Variants in STON1 observed in about 807,000 individuals in gnomAD.
STON1 encodes the protein stonin 1, also known as stonin-1.
Under a neutral mutation model 60.9 loss-of-function variants are expected in STON1, and 79 were observed. That is an observed-to-expected ratio of 1.30 (90% confidence interval 1.08 to 1.56). STON1 has a LOEUF of 1.56. Among genes scored for constraint, STON1 ranks in the 40% most tolerant of loss-of-function variants. The pLI, the probability that STON1 is intolerant of heterozygous loss-of-function variation, is 0.00. For missense variants in STON1, 1,166 were observed against 858.9 expected, an observed-to-expected ratio of 1.36 and a Z score of -4.47; for synonymous variants, 363 against 306.9, an observed-to-expected ratio of 1.18 and a Z score of -1.91.
intron 1 of STON1, among the ~76,000 whole-genome samples, chr2:48,566,362 G>A (rs1241128463): frequency 6.6e-6 from 1 of 152,082 alleles, no homozygotes; most frequent in East Asian, 1.9e-4. Flanking sequence ...TTTTAGTAGA[G>A]ACGGGGTTTC....
intron 1 of STON1, among the ~76,000 whole-genome samples, chr2:48,566,517 G>A (rs181623314): frequency 5.7e-4 from 86 of 151,156 alleles, no homozygotes; most frequent in African/African-American, 2.0e-3. Flanking sequence ...TTCTGACGTC[G>A]GGTGATCCGC....
rs1251088929 is a variant in STON1 at position 48,557,017 on chromosome 2, G to A, written c.-47-23570G>A. On this transcript the variant is annotated intron_variant, in intron 1 of 3. Transcript: ENST00000404752. The stretch of plus-strand genomic sequence containing the variant: ...CCTGGACGGCACGGCTGCCCGGGCG[G>A]GGGGGCTGACCCCCCACCTCCCTCC... Among the ~76,000 whole-genome samples the A allele has an allele frequency of 2.2e-5, 2 of 92,874 alleles. 1 individual carries two copies. The highest frequency in any genetic ancestry group is 8.3e-5 in the African/African-American group (2 of 24,184). The allele number at this position is 92,874 out of a possible 152,430, so 60.9% of individuals were successfully genotyped here.
At chr2:48,560,662 G>A (rs977737034) in intron 1 of STON1, among the ~76,000 whole-genome samples, 1 of 152,184 alleles carries the variant, frequency 6.6e-6, no homozygotes, top group East Asian at 1.9e-4. Flanking sequence ...GGCAGCCGTT[G>A]CTAGGGCTGC....
Position 48,582,521 on chromosome 2 carries a change from G to T in STON1, c.1888G>T (p.Ala630Ser). 1 of 1,614,070 alleles carries T rather than the reference G, an allele frequency of 6.2e-7. No homozygotes were observed. Among genetic ancestry groups the T allele is most frequent in the Non-Finnish European group, 8.5e-7 (1 of 1,179,988 alleles). Residue 630 changes from alanine to serine, a missense_variant, in exon 2 of 4, where the codon GCA (alanine) becomes TCA (serine). By Grantham distance (99) the Ala-to-Ser change is moderately conservative. Transcript: ENST00000404752. ...AGCAAAATATGAGAGTGCCTACCAG[G>T]CAGTGGTATGGAAGATAGATCGGCT... Reference protein sequence around the residue: ...GSAKYESAYQAVVWKIDRLPD... With the variant: ...GSAKYESAYQSVVWKIDRLPD...
intron 1 of STON1, among the ~76,000 whole-genome samples, chr2:48,573,581 A>G (rs1013018200): frequency 5.9e-5 from 9 of 152,182 alleles, no homozygotes; most frequent in African/African-American, 2.2e-4. Context: ...TGGTCCCTAC[A>G]CTTCACTGCC....
intron 2 of STON1, 56 bp downstream of exon 2, chr2:48,582,619 C>A: frequency 1.3e-6 from 2 of 1,553,994 alleles, no homozygotes; most frequent in Non-Finnish European, 1.7e-6. Flanking sequence ...AATATTCTTA[C>A]CTTCCTCCTT....
rs1180497134 is a variant in STON1, at chr2:48,596,847, G to C, written c.*1545G>C. 1 of 151,962 alleles carries C rather than the reference G, an allele frequency of 6.6e-6. No individual in the cohort carries two copies. The highest frequency in any genetic ancestry group is 1.5e-5 in the Non-Finnish European group (1 of 67,978). 9.4% of individuals were successfully genotyped at this position (151,962 alleles called of 1,614,324 possible). ...TTGGTTGAAAGGAATTGTTATTGCT[G>C]TTTTTATTTTTTACTTTTTTTGAGA... On this transcript the variant is annotated 3_prime_UTR_variant, in exon 4 of 4. Transcript: ENST00000404752.
Position 48,547,536 on chromosome 2 carries a change from G to A in STON1, c.-48+17320G>A, listed in dbSNP as rs142732475. Reference sequence around the variant, plus strand: ...CAGTCAGTGTCCCATGGTCGTGCGGGGTCAAAGCTGGCCTGAGATCACCAG... The same window carrying A: ...CAGTCAGTGTCCCATGGTCGTGCGGAGTCAAAGCTGGCCTGAGATCACCAG... On this transcript the variant is annotated intron_variant, in intron 1 of 3. Coordinates refer to ENST00000404752, the MANE Select transcript of STON1 (RefSeq NM_006873.4). Among the ~76,000 whole-genome samples, 559 of 152,306 alleles carry A rather than the reference G, an allele frequency of 3.7e-3. 3 individuals are homozygous for A. Among genetic ancestry groups the A allele is most frequent in the African/African-American group, 0.012 (516 of 41,564 alleles).
At position 48,550,378 on chromosome 2, in the gene STON1, TCCC is replaced by T. The variant is rs568244369; in HGVS notation, c.-48+20163_-48+20165del. On this transcript the variant is annotated intron_variant, in intron 1 of 3. Transcript: ENST00000404752. ...TGGGCATGGTGGTGCGTGCCTGTAA[TCCC>T]AGCTACTTGGGAGCCTGAGGCAGGA... Among the ~76,000 whole-genome samples, 955 of 151,532 alleles carry T rather than the reference TCCC, an allele frequency of 6.3e-3. 10 individuals are homozygous for T. The highest frequency in any genetic ancestry group is 0.022 in the African/African-American group (915 of 41,284).
intron 1 of STON1, among the ~76,000 whole-genome samples, chr2:48,577,814 C>G (rs1011184983): frequency 3.3e-5 from 5 of 151,602 alleles, no homozygotes; most frequent in African/African-American, 1.2e-4. Context: ...CGCGATTTCA[C>G]CATGTTGCCC....
chr2:48,577,364 C>A (rs1456901344), intron 1 of STON1, among the ~76,000 whole-genome samples: 4 of 151,870 alleles, frequency 2.6e-5, no homozygotes, highest in East Asian at 2.0e-4. Flanking sequence ...GGGCAGATCA[C>A]GAGGTCGGGA....
chr2:48,582,211 TC>T lies in STON1; in HGVS notation c.1581del (p.Ser529ProfsTer2), dbSNP rs1221178893. The T allele has an allele frequency of 6.2e-7, 1 of 1,614,244 alleles. No individual in the cohort carries two copies. Among genetic ancestry groups the T allele is most frequent in the East Asian group, 2.2e-5 (1 of 44,890 alleles). On this transcript the variant is annotated frameshift_variant, in exon 2 of 4. Transcript: ENST00000404752. LOFTEE classifies it high-confidence loss of function. Reference sequence around the variant, plus strand: ...AGACTTTGTATAATGGGGATAATCTTCCCTTTTCCTTGAAGTCTGTAGTGGT... The same window carrying T: ...AGACTTTGTATAATGGGGATAATCTTCCTTTTCCTTGAAGTCTGTAGTGGT... Reference protein sequence around the residue: ...FKTLYNGDNLPFSLKSVVVVQ... With the variant: ...FKTLYNGDNLXFSLKSVVVVQ...
intron 2 of STON1, among the ~76,000 whole-genome samples, chr2:48,583,711 G>A (rs1572636766): frequency 6.7e-6 from 1 of 149,418 alleles, no homozygotes; most frequent in African/African-American, 2.5e-5. Flanking sequence ...ATGCATTCAT[G>A]CATCCATCGA....
At chr2:48,587,232 T>C (rs1174789498) in intron 2 of STON1, among the ~76,000 whole-genome samples, 2 of 152,242 alleles carry the variant, frequency 1.3e-5, no homozygotes, top group Admixed American at 1.3e-4. Flanking sequence ...CATTCCTCCC[T>C]GCTCTGCATA....
chr2:48,580,476 C>T (rs1673808379), intron 1 of STON1, 111 bp from the exon 2 acceptor site: 1 of 1,111,348 alleles, frequency 9.0e-7, no homozygotes, highest in African/African-American at 1.6e-5. Context: ...ATCCACTTAG[C>T]CACCAACAGA....
At chr2:48,566,883 A>G (rs1180515693) in intron 1 of STON1, among the ~76,000 whole-genome samples, 1 of 152,194 alleles carries the variant, frequency 6.6e-6, no homozygotes, top group African/African-American at 2.4e-5. Flanking sequence ...GTGTTTGTTC[A>G]AGTCGTTACA....
In STON1 at chr2:48,582,198, A is replaced by G. The variant is rs913625266; in HGVS notation, c.1565A>G (p.Asn522Ser). The G allele has an allele frequency of 1.4e-5, 23 of 1,614,122 alleles. No homozygotes were observed. The highest frequency in any genetic ancestry group is 1.9e-5 in the Non-Finnish European group (22 of 1,180,052). ...CTGATGCGTTTCAAGACTTTGTATA[A>G]TGGGGATAATCTTCCCTTTTCCTTG... ...FELMRFKTLY[N>S]GDNLPFSLKS... is the part of the protein sequence containing the mutation. Residue 522 changes from asparagine (N) to serine (S), a missense_variant, in exon 2 of 4, where the codon AAT (asparagine) becomes AGT (serine). Asn to Ser is a conservative substitution (Grantham distance 46). Coordinates refer to ENST00000404752, the MANE Select transcript of STON1 (RefSeq NM_006873.4).
Position 48,555,453 on chromosome 2 carries a change from AC to A in STON1, c.-47-25126del, listed in dbSNP as rs1210984016. Among the ~76,000 whole-genome samples, 69 of 75,384 alleles carry A rather than the reference AC, an allele frequency of 9.2e-4. 1 individual carries two copies. The highest frequency in any genetic ancestry group is 2.7e-3 in the Admixed American group (21 of 7,882). The allele number at this position is 75,384 out of a possible 152,430, so 49.5% of individuals were successfully genotyped here. On this transcript the variant is annotated intron_variant, in intron 1 of 3. Coordinates refer to ENST00000404752, the MANE Select transcript of STON1 (RefSeq NM_006873.4). The stretch of plus-strand genomic sequence containing the variant: ...GGCCACTGGCCGGGCAGGGGGGCTG[AC>A]CCCCCCCACCTCCCTCCCGGACGGG...
intron 1 of STON1, among the ~76,000 whole-genome samples, chr2:48,558,684 G>A (rs1004802889): frequency 1.3e-5 from 2 of 152,134 alleles, no homozygotes; most frequent in Non-Finnish European, 2.9e-5. Flanking sequence ...ATGAGCAGAG[G>A]GTATAGTGGC....
Sources: gnomAD v4.1 joint callset for allele counts (sites outside exome capture counted in the v4.1 genomes callset) on GRCh38, gnomAD v4.1.1 for gene constraint, MANE v1.5 for transcripts, NCBI Gene and HGNC (gene_info 2026-07-23, HGNC 2026-07-21) for gene names.